TTPAL: variants seen among roughly 807,000 people sequenced by gnomAD.
TTPAL encodes the protein alpha-tocopherol transfer protein-like.
In TTPAL, 21 loss-of-function variants were observed where a neutral mutation model predicts 28.7. That is an observed-to-expected ratio of 0.73 (90% confidence interval 0.52 to 1.06). The LOEUF is 1.06. TTPAL is among the 50% of genes least tolerant of loss of function. The pLI, the probability that TTPAL is intolerant of heterozygous loss-of-function variation, is 0.00. For missense variants in TTPAL, 345 were observed against 425.5 expected (o/e 0.81, Z 1.67); for synonymous variants, 169 against 171.9 (o/e 0.98, Z 0.13).
chr20:44,482,869 T>C (rs1377180263), intron 2 of TTPAL, among the ~76,000 whole-genome samples: 3 of 152,082 alleles, frequency 2.0e-5, no homozygotes, highest in Admixed American at 2.0e-4. Flanking sequence ...GACTCAGCTT[T>C]TTTTTTGAGA....
intron 1 of TTPAL, among the ~76,000 whole-genome samples, chr20:44,479,003 A>G (rs951967435): frequency 1.3e-5 from 2 of 152,102 alleles, no homozygotes; most frequent in African/African-American, 4.8e-5. Context: ...GTTAGCGAGG[A>G]TGGTCTCGAT....
Position 44,486,774 on chromosome 20 carries a change from CTTGTTTA to C in TTPAL, c.750+71_750+77del, listed in dbSNP as rs2064155829. 4 of 898,582 alleles carry C rather than the reference CTTGTTTA, an allele frequency of 4.5e-6. No individual in the cohort carries two copies. In the South Asian group the frequency reaches 6.6e-5, roughly 15 times the overall value. 55.7% of individuals were successfully genotyped at this position (898,582 alleles called of 1,614,324 possible). A position where few individuals can be genotyped will look rare whatever the true frequency, so the allele number is the denominator to read the frequency against. On this transcript the variant is annotated intron_variant, in intron 4 of 4. Transcript: ENST00000262605. ...GTTGATTTATTTGTGACATCTGGTA[CTTGTTTA>C]TTATTTTTGCCCTGGAACAACTAAT...
chr20:44,481,572 AAAGT>A (rs1001383292), intron 2 of TTPAL, among the ~76,000 whole-genome samples: 15 of 152,270 alleles, frequency 9.9e-5, no homozygotes, highest in Non-Finnish European at 1.8e-4. Flanking sequence ...AGAAAAATGG[AAAGT>A]AAGATGCAAT....
chr20:44,478,267 G>T (rs1443525921), intron 1 of TTPAL, among the ~76,000 whole-genome samples: 1 of 152,262 alleles, frequency 6.6e-6, no homozygotes, highest in African/African-American at 2.4e-5. Context: ...CACTGGCAGT[G>T]ATGCAGATCA....
chr20:44,477,599 G>T (rs912390438), intron 1 of TTPAL, among the ~76,000 whole-genome samples: 12 of 152,128 alleles, frequency 7.9e-5, no homozygotes, highest in Admixed American at 7.9e-4. Flanking sequence ...CAAGACAGCA[G>T]ATTGGTCCTT....
chr20:44,482,418 C>G (rs1600787715), intron 2 of TTPAL, among the ~76,000 whole-genome samples: 1 of 126,668 alleles, frequency 7.9e-6, no homozygotes, highest in African/African-American at 2.9e-5. Flanking sequence ...ACTGAAAATA[C>G]AAAAATTAGC....
intron 1 of TTPAL, 156 bp from the exon 2 acceptor site, chr20:44,479,829 C>A: frequency 1.5e-6 from 1 of 666,818 alleles, no homozygotes; most frequent in African/African-American, 1.8e-5. Flanking sequence ...GTCAGACTTG[C>A]GTGTATGGTT....
Position 44,480,416 on chromosome 20 carries a change from G to A in TTPAL, c.417G>A (p.Arg139=). ...CCGTGCTGCCCCACACTGACCCCAG[G>A]GGCTGCCATGTCGTCTGCATCCGCC... ...FLTVLPHTDP[R]GCHVVCIRPD... Residue 139 remains arginine, a synonymous_variant, in exon 2 of 5, where the codon AGG becomes AGA. Coordinates refer to ENST00000262605, the MANE Select transcript of TTPAL (RefSeq NM_001039199.3). This position sits in a 1 kb window ranked among gnomAD's most constrained non-coding sequence, Gnocchi z 4.1. The A allele has an allele frequency of 6.2e-7, 1 of 1,608,326 alleles. No individual in the cohort carries two copies. The highest frequency in any genetic ancestry group is 8.5e-7 in the Non-Finnish European group (1 of 1,176,054).
intron 2 of TTPAL, among the ~76,000 whole-genome samples, chr20:44,482,186 G>C (rs2064111446): frequency 6.6e-6 from 1 of 152,146 alleles, no homozygotes; most frequent in African/African-American, 2.4e-5. Context: ...ATAGAGGCAG[G>C]GTTAATTGGC....
intron 3 of TTPAL, 155 bp from the exon 4 acceptor site, chr20:44,486,441 G>T: frequency 1.9e-6 from 1 of 536,720 alleles, no homozygotes; most frequent in South Asian, 2.7e-5. Context: ...CCTGAGGTCC[G>T]TCTTCCTAGT....
Position 44,489,964 on chromosome 20 carries a change from A to G in TTPAL, c.*423A>G. On this transcript the variant is annotated 3_prime_UTR_variant, in exon 5 of 5. Transcript: ENST00000262605. ...TACTTGTATGAAATAATTTGGCCAA[A>G]CCTTCAGTGTGACCAAATGTGAGAC... The G allele has an allele frequency of 5.7e-6, 1 of 175,840 alleles. No homozygotes were observed. The highest frequency in any genetic ancestry group is 1.2e-5 in the Non-Finnish European group (1 of 81,362). The allele number at this position is 175,840 out of a possible 1,614,324, so 10.9% of individuals were successfully genotyped here.
At position 44,489,983 on chromosome 20, in the gene TTPAL, G is replaced by T; in HGVS notation, c.*442G>T. 5.7e-6 allele frequency: 1 copy of T among 176,462 alleles called. No homozygotes were observed. Among genetic ancestry groups the T allele is most frequent in the Non-Finnish European group, 1.2e-5 (1 of 81,132 alleles). The allele number at this position is 176,462 out of a possible 1,614,324, so 10.9% of individuals were successfully genotyped here. On this transcript the variant is annotated 3_prime_UTR_variant, in exon 5 of 5. Coordinates refer to ENST00000262605, the MANE Select transcript of TTPAL (RefSeq NM_001039199.3). ...GGCCAAACCTTCAGTGTGACCAAAT[G>T]TGAGACTGGGAGTTTGTGTTTTTCA...
At chr20:44,479,909 C>A in intron 1 of TTPAL, 76 bp from the exon 2 acceptor site, 2 of 1,241,326 alleles carry the variant, frequency 1.6e-6, no homozygotes, top group East Asian at 2.3e-5. Flanking sequence ...AGAAGTGTTC[C>A]TGTCCCCTAC....
intron 4 of TTPAL, among the ~76,000 whole-genome samples, chr20:44,487,487 G>C (rs2064163039): frequency 6.6e-6 from 1 of 152,172 alleles, no homozygotes; most frequent in Admixed American, 6.6e-5. Context: ...ATGGTCATTA[G>C]AACTGTGGGG....
chr20:44,477,694 G>A (rs773930960), intron 1 of TTPAL, among the ~76,000 whole-genome samples: 10 of 150,962 alleles, frequency 6.6e-5, no homozygotes, highest in Admixed American at 2.6e-4. Context: ...TCGCCCTGTC[G>A]CCCAAGCTGG....
intron 4 of TTPAL, among the ~76,000 whole-genome samples, chr20:44,488,739 G>T (rs1226795291): frequency 6.6e-6 from 1 of 152,192 alleles, no homozygotes; most frequent in Non-Finnish European, 1.5e-5. Flanking sequence ...AGCCTGTCCG[G>T]CATGCTGGGA....
At position 44,493,636 on chromosome 20, in the gene TTPAL, G is replaced by A. The variant is rs1183479210; in HGVS notation, c.*4095G>A. 1 of 152,322 alleles carries A rather than the reference G, an allele frequency of 6.6e-6. No individual in the cohort carries two copies. The highest frequency in any genetic ancestry group is 1.5e-5 in the Non-Finnish European group (1 of 68,050). The allele number at this position is 152,322 out of a possible 1,614,324, so 9.4% of individuals were successfully genotyped here. On this transcript the variant is annotated 3_prime_UTR_variant, in exon 5 of 5. Coordinates refer to ENST00000262605, the MANE Select transcript of TTPAL (RefSeq NM_001039199.3). ...TACACTGTATCTCCTGTGGCCATGA[G>A]AGGTGTGGCTATACCGAACAGAAAC...
chr20:44,490,291 C>A lies in TTPAL; in HGVS notation c.*750C>A, dbSNP rs980683503. 1 of 152,338 alleles carries A rather than the reference C, an allele frequency of 6.6e-6. No individual in the cohort carries two copies. The highest frequency in any genetic ancestry group is 1.5e-5 in the Non-Finnish European group (1 of 68,038). 9.4% of individuals were successfully genotyped at this position (152,338 alleles called of 1,614,324 possible). On this transcript the variant is annotated 3_prime_UTR_variant, in exon 5 of 5. Coordinates refer to ENST00000262605, the MANE Select transcript of TTPAL (RefSeq NM_001039199.3). ...CCTAGCAGGAAATGATTTTACTCAA[C>A]CTAAAATGCTGGATCCCAGGCCCGT...
chr20:44,480,090 T>C lies in TTPAL; in HGVS notation c.91T>C (p.Tyr31His). 1.2e-6 allele frequency: 2 copies of C among 1,614,152 alleles called. No individual in the cohort carries two copies. The highest frequency in any genetic ancestry group is 1.7e-6 in the Non-Finnish European group (2 of 1,180,028). ...ELPPPPEPPG[Y>H]VCSLTEDLVT... is the part of the protein sequence containing the mutation. ...GCCACCACCACCTGAGCCTCCGGGCTATGTGTGCTCACTGACAGAAGACCT... is the reference window on the plus strand; with the variant it reads ...GCCACCACCACCTGAGCCTCCGGGCCATGTGTGCTCACTGACAGAAGACCT... The change falls in exon 2 of 5, where the codon TAT becomes CAT. Residue 31 changes from tyrosine to histidine, a missense_variant. Transcript: ENST00000262605. The surrounding 1 kb of genome is among the most constrained non-coding windows in gnomAD (Gnocchi z 4.1).
Sources: gnomAD v4.1 joint callset for allele counts (sites outside exome capture counted in the v4.1 genomes callset) on GRCh38, gnomAD v4.1.1 for gene constraint, Gnocchi (gnomAD v3.1) non-coding constraint, MANE v1.5 for transcripts, NCBI Gene and HGNC (gene_info 2026-07-23, HGNC 2026-07-21) for gene names.